The following TNC variants were observed in gnomAD, a reference collection of about 807,000 sequenced individuals.
TNC encodes tenascin C.
Under a neutral mutation model 202.4 loss-of-function variants are expected in TNC, and 109 were observed. The observed-to-expected ratio is 0.54, with a 90% CI of 0.46 to 0.63. The LOEUF is 0.63. Among genes scored for constraint, TNC ranks in the 30% least tolerant of loss-of-function variants. TNC has a pLI of 0.00. For synonymous variants in TNC, 1,007 were observed against 1,089.7 expected, an observed-to-expected ratio of 0.92 and a Z score of 1.50; for missense variants, 2,756 against 2,833.3, an observed-to-expected ratio of 0.97 and a Z score of 0.62.
At chr9:115,035,610 C>T (rs138917486) in intron 21 of TNC, 195 of 332,124 alleles carry the variant, frequency 5.9e-4, no homozygotes, top group African/African-American at 3.8e-3. Flanking sequence ...ATTATCAAGC[C>T]CCTTGTTTCT....
In TNC at chr9:115,051,404, G is replaced by A. The variant is rs183632236; in HGVS notation, c.4580-2872C>T. 3.3e-5 allele frequency among the ~76,000 whole-genome samples: 5 copies of A among 152,144 alleles called. No individual in the cohort carries two copies. In the South Asian group the frequency reaches 6.2e-4, roughly 19 times the overall value. On this transcript the variant is annotated intron_variant, in intron 15 of 27. Coordinates refer to ENST00000350763, the MANE Select transcript of TNC (RefSeq NM_002160.4). Reference sequence around the variant, plus strand: ...GCTGAGATATACAACCAGGTCTTCCGACTCCAAGTTCTACGTTCTTTCCAT... The same window carrying A: ...GCTGAGATATACAACCAGGTCTTCCAACTCCAAGTTCTACGTTCTTTCCAT...
In TNC at chr9:115,114,888, A is replaced by G. The variant is rs374902780; in HGVS notation, c.-137+3094T>C. ...GTAGTGTCTGAGTGAGAATGAGATG[A>G]GAAACCATTGGCAAACCCTCCTATT... On this transcript the variant is annotated intron_variant, in intron 1 of 27. Transcript: ENST00000350763. 7.9e-5 allele frequency: 12 copies of G among 152,160 alleles called. No homozygotes were observed. The East Asian group carries it at 1.5e-3, about 20-fold the overall frequency. The allele number at this position is 152,160 out of a possible 1,614,324, so 9.4% of individuals were successfully genotyped here.
intron 1 of TNC, among the ~76,000 whole-genome samples, chr9:115,111,399 C>CTCTCTTTTTTTTTTTTTTT (rs1174066886): frequency 4.2e-5 from 3 of 71,360 alleles, no homozygotes; most frequent in East Asian, 1.3e-3. Context: ...CTCTCTCTCT[C>CTCTCTTTTTTTTTTTTTTT]TTTTTTTTTT....
intron 13 of TNC, 116 bp downstream of exon 13, chr9:115,062,801 T>G (rs2132605782): frequency 8.2e-7 from 1 of 1,223,516 alleles, no homozygotes; most frequent in Non-Finnish European, 1.1e-6. Context: ...GAGTTAGAGA[T>G]TCACGCTGTC....
intron 10 of TNC, 85 bp from the exon 11 acceptor site, chr9:115,065,004 C>T: frequency 6.7e-7 from 1 of 1,499,174 alleles, no homozygotes; most frequent in Non-Finnish European, 9.0e-7. Flanking sequence ...AACCCAATGC[C>T]ACATCTATAG....
chr9:115,060,443 C>T (rs1832458507), intron 13 of TNC, among the ~76,000 whole-genome samples: 1 of 152,206 alleles, frequency 6.6e-6, no homozygotes, highest in Non-Finnish European at 1.5e-5. Context: ...TCTCTCTGAG[C>T]CACCCTCTCT....
In TNC at chr9:115,036,163, G is replaced by A. The variant is rs1830311754; in HGVS notation, c.5591C>T (p.Thr1864Ile). The change falls in exon 21 of 28, where the codon ACA becomes ATA. Residue 1864 changes from threonine (T) to isoleucine (I), a missense_variant. This residue lies in a region of TNC where 2,559 missense variants were observed against 2,546.0 expected (regional missense o/e 1.01). Coordinates refer to ENST00000350763, the MANE Select transcript of TNC (RefSeq NM_002160.4). ...LTDLEPATEY[T>I]LRIFAEKGPQ... is the part of the protein sequence containing the mutation. Reference sequence around the variant, plus strand: ...CCCTTTCTCTGCAAAGATTCTCAGTGTGTATTCCGTGGCAGGCTCGAGGTC... The same window carrying A: ...CCCTTTCTCTGCAAAGATTCTCAGTATGTATTCCGTGGCAGGCTCGAGGTC... 3 of 1,614,048 alleles carry A rather than the reference G, an allele frequency of 1.9e-6. No individual in the cohort carries two copies. Among genetic ancestry groups the A allele is most frequent in the African/African-American group, 2.7e-5 (2 of 74,908 alleles).
intron 17 of TNC, 33 bp from the exon 18 acceptor site, chr9:115,042,374 AAC>A: frequency 6.2e-7 from 1 of 1,611,816 alleles, no homozygotes; most frequent in Non-Finnish European, 8.5e-7. Flanking sequence ...GAAGCCCAGA[AAC>A]AGTTAACTGT....
chr9:115,026,718 G>A, intron 25 of TNC, 23 bp from the exon 26 acceptor site: 1 of 1,611,936 alleles, frequency 6.2e-7, no homozygotes. Flanking sequence ...GGCAAGGGTT[G>A]CTAAGAAGCA....
In TNC at chr9:115,110,737, G is replaced by A. The variant is rs552579691; in HGVS notation, c.-137+7245C>T. On this transcript the variant is annotated intron_variant, in intron 1 of 27. Coordinates refer to ENST00000350763, the MANE Select transcript of TNC (RefSeq NM_002160.4). ...ATAAAATACATTTGGAATCATTGCC[G>A]TGAAAGGCCCCTCCCTGGGGTGAAA... Among the ~76,000 whole-genome samples the A allele has an allele frequency of 1.1e-3, 165 of 152,318 alleles. 2 individuals are homozygous for A. In the South Asian group the frequency reaches 0.019, roughly 17 times the overall value.
rs777891132 is a variant in TNC, at chr9:115,035,267, T to A, written c.5724A>T (p.Arg1908=). Residue 1908 remains arginine, a synonymous_variant, in exon 22 of 28, where the codon CGA becomes CGT. Coordinates refer to ENST00000350763, the MANE Select transcript of TNC (RefSeq NM_002160.4). Reference sequence around the variant, plus strand: ...AACCGGTGACTGATGCCCGGGGGGGTCGCCAGGTAAGGAGGGCAGTTTCCG... The same window carrying A: ...AACCGGTGACTGATGCCCGGGGGGGACGCCAGGTAAGGAGGGCAGTTTCCG... ...VQSETALLTW[R]PPRASVTGYL... 1 of 1,611,318 alleles carries A rather than the reference T, an allele frequency of 6.2e-7. No individual in the cohort carries two copies. Among genetic ancestry groups the A allele is most frequent in the South Asian group, 1.1e-5 (1 of 90,744 alleles).
At chr9:115,085,462 G>A (rs1005578631) in intron 3 of TNC, among the ~76,000 whole-genome samples, 2 of 152,196 alleles carry the variant, frequency 1.3e-5, no homozygotes, top group African/African-American at 4.8e-5. Flanking sequence ...TGTCAGTGGA[G>A]AGTAGGAAAT....
At chr9:115,034,107 T>C (rs1207993775) in intron 22 of TNC, among the ~76,000 whole-genome samples, 1 of 152,200 alleles carries the variant, frequency 6.6e-6, no homozygotes, top group Non-Finnish European at 1.5e-5. Flanking sequence ...CCCATTCAGA[T>C]GGTAGGCTGA....
chr9:115,087,584 C>G (rs899629614), intron 2 of TNC, among the ~76,000 whole-genome samples: 1 of 148,798 alleles, frequency 6.7e-6, no homozygotes, highest in Non-Finnish European at 1.5e-5. Flanking sequence ...CCCTGGGGAG[C>G]GGATTCATAG....
intron 1 of TNC, among the ~76,000 whole-genome samples, chr9:115,114,267 A>T (rs565765485): frequency 6.6e-6 from 1 of 152,328 alleles, no homozygotes; most frequent in East Asian, 1.9e-4. Context: ...TTGAATCATA[A>T]TCTTCCTCTC....
chr9:115,076,364 C>G, intron 8 of TNC, 26 bp downstream of exon 8: 2 of 1,611,558 alleles, frequency 1.2e-6, no homozygotes, highest in Non-Finnish European at 1.7e-6. Context: ...CTGGCTGGCT[C>G]AGGCTTGCAG....
rs1415043824 is a variant in TNC, at chr9:115,090,700, G to A, written c.319C>T (p.Pro107Ser). 4 of 1,614,156 alleles carry A rather than the reference G, an allele frequency of 2.5e-6. No individual in the cohort carries two copies. Among genetic ancestry groups the A allele is most frequent in the Non-Finnish European group, 3.4e-6 (4 of 1,180,004 alleles). Reference sequence around the variant, plus strand: ...GCGGCACAGCCACAGGCCCGGCGGGGGATGTTGATGCGATGTGTGAAGACA... The same window carrying A: ...GCGGCACAGCCACAGGCCCGGCGGGAGATGTTGATGCGATGTGTGAAGACA... ...QIVFTHRINIPRRACGCAAAP... is the reference protein window; with the variant it reads ...QIVFTHRINISRRACGCAAAP... The change falls in exon 2 of 28, where the codon CCC (proline) becomes TCC (serine). Residue 107 changes from proline to serine, a missense_variant. Around this residue, in one of 2 missense-constraint regions of TNC, gnomAD observed 2,559 missense variants for 2,546.0 expected, o/e 1.01. Transcript: ENST00000350763.
At chr9:115,115,640 A>G (rs1249289232) in intron 1 of TNC, among the ~76,000 whole-genome samples, 1 of 152,192 alleles carries the variant, frequency 6.6e-6, no homozygotes, top group Non-Finnish European at 1.5e-5. Context: ...ATTCCTGTCT[A>G]TTACACTATT....
chr9:115,021,414 C>A, intron 27 of TNC, 147 bp from the exon 28 acceptor site: 1 of 607,086 alleles, frequency 1.6e-6, no homozygotes, highest in Non-Finnish European at 2.9e-6. Flanking sequence ...TATATCACAG[C>A]TGCCTCTTGC....
Sources: gnomAD v4.1 joint callset for allele counts (sites outside exome capture counted in the v4.1 genomes callset) on GRCh38, gnomAD v4.1.1 for gene constraint, gnomAD v4.1.1 regional missense constraint, MANE v1.5 for transcripts, NCBI Gene and HGNC (gene_info 2026-07-23, HGNC 2026-07-21) for gene names.